PTPRD: variants seen among roughly 807,000 people sequenced by gnomAD.
PTPRD encodes receptor-type tyrosine-protein phosphatase delta.
In PTPRD, 34 loss-of-function variants were observed where a neutral mutation model predicts 214.5. That is an observed-to-expected ratio of 0.16 (90% CI 0.12 to 0.21). The LOEUF is 0.21. Among genes scored for constraint, PTPRD ranks in the 10% least tolerant of loss-of-function variants. PTPRD has a pLI of 1.00. For synonymous variants in PTPRD, 1,128 were observed against 845.7 expected, an observed-to-expected ratio of 1.33 and a Z score of -5.79; for missense variants, 2,545 against 2,398.7, an observed-to-expected ratio of 1.06 and a Z score of -1.27.
chr9:9,008,612 A>G (rs944313965), intron 11 of PTPRD, among the ~76,000 whole-genome samples: 3 of 152,146 alleles, frequency 2.0e-5, no homozygotes, highest in South Asian at 2.1e-4. Context: ...CTTTGTACCT[A>G]TTATGCTGCT....
chr9:9,392,632 G>C (rs937346972), intron 9 of PTPRD, among the ~76,000 whole-genome samples: 3 of 152,094 alleles, frequency 2.0e-5, no homozygotes, highest in Non-Finnish European at 1.5e-5. Context: ...AGGCTATAAA[G>C]AGATCCTTTC....
At chr9:9,957,241 C>T (rs564981571) in intron 4 of PTPRD, among the ~76,000 whole-genome samples, 49 of 152,238 alleles carry the variant, frequency 3.2e-4, no homozygotes, top group African/African-American at 1.2e-3. Flanking sequence ...AAGAATACTC[C>T]TCTTTTTAAG....
At chr9:8,570,657 C>A (rs1290133521) in intron 14 of PTPRD, among the ~76,000 whole-genome samples, 7 of 152,064 alleles carry the variant, frequency 4.6e-5, no homozygotes, top group Non-Finnish European at 1.0e-4. Context: ...TCATCATTTA[C>A]AGTCTCAGAG....
At chr9:8,777,704 G>C (rs148592467) in intron 11 of PTPRD, among the ~76,000 whole-genome samples, 22 of 152,214 alleles carry the variant, frequency 1.4e-4, no homozygotes, top group Non-Finnish European at 2.2e-4. Context: ...TGATAAAAGA[G>C]AGCTGGTCAT....
At chr9:10,053,432 G>A (rs1473340535) in intron 3 of PTPRD, among the ~76,000 whole-genome samples, 1 of 152,122 alleles carries the variant, frequency 6.6e-6, no homozygotes, top group Admixed American at 6.6e-5. Context: ...TTGGTCAGGA[G>A]TTTAAATATT....
At chr9:8,849,517 C>T (rs766281479) in intron 11 of PTPRD, among the ~76,000 whole-genome samples, 2 of 152,122 alleles carry the variant, frequency 1.3e-5, no homozygotes, top group African/African-American at 4.8e-5. Context: ...TGAGCCACCG[C>T]GCCTGGTCCA....
intron 11 of PTPRD, among the ~76,000 whole-genome samples, chr9:8,940,180 A>G (rs2099022582): frequency 6.6e-6 from 1 of 151,390 alleles, no homozygotes; most frequent in South Asian, 2.1e-4. Context: ...TCTTCAGGCT[A>G]CATGGTTCAA....
chr9:8,745,957 T>A (rs1169301766), intron 11 of PTPRD, among the ~76,000 whole-genome samples: 2 of 152,090 alleles, frequency 1.3e-5, no homozygotes, highest in East Asian at 3.9e-4. Flanking sequence ...GCCACCACAT[T>A]TGGTTTTTCA....
At position 8,317,834 on chromosome 9, in the gene PTPRD, G is replaced by A. The variant is rs1408873968; in HGVS notation, c.*40C>T. On this transcript the variant is annotated 3_prime_UTR_variant, in exon 46 of 46. Transcript: ENST00000381196. ...GCTCAGAAGAGACTCCATGGATATTGAAGGGCCTGTAGTAAAAATCCAGAA... is the reference window on the plus strand; with the variant it reads ...GCTCAGAAGAGACTCCATGGATATTAAAGGGCCTGTAGTAAAAATCCAGAA... 1 of 1,584,058 alleles carries A rather than the reference G, an allele frequency of 6.3e-7. No homozygotes were observed. Among genetic ancestry groups the A allele is most frequent in the Non-Finnish European group, 8.7e-7 (1 of 1,153,636 alleles).
At position 8,916,444 on chromosome 9, in the gene PTPRD, G is replaced by C. The variant is rs563660279; in HGVS notation, c.-104+102253C>G. On this transcript the variant is annotated intron_variant, in intron 11 of 45. Transcript: ENST00000381196. ...TATAATAAGCCTAAGGAGAGGATGG[G>C]GTAAGTGGGGGCACTGAAATAAGGG... Among the ~76,000 whole-genome samples, 8 of 152,212 alleles carry C rather than the reference G, an allele frequency of 5.3e-5. No individual in the cohort carries two copies. The East Asian group carries it at 1.2e-3, about 22-fold the overall frequency.
chr9:8,555,039 A>C (rs1176170204), intron 14 of PTPRD, among the ~76,000 whole-genome samples: 1 of 152,160 alleles, frequency 6.6e-6, no homozygotes, highest in East Asian at 1.9e-4. Context: ...AATTTGCTAA[A>C]TGTTACTATA....
intron 4 of PTPRD, among the ~76,000 whole-genome samples, chr9:10,003,369 C>G (rs960780967): frequency 1.3e-5 from 2 of 151,598 alleles, no homozygotes; most frequent in South Asian, 4.1e-4. Context: ...AGCAATAAAA[C>G]CATAGACTCA....
chr9:10,252,662 T>A (rs1476005389), intron 3 of PTPRD, among the ~76,000 whole-genome samples: 1 of 152,236 alleles, frequency 6.6e-6, no homozygotes, highest in African/African-American at 2.4e-5. Context: ...TACATAGCGA[T>A]AGATAAATTA....
chr9:10,584,749 G>A (rs1022045360), intron 2 of PTPRD, among the ~76,000 whole-genome samples: 6 of 152,082 alleles, frequency 3.9e-5, no homozygotes, highest in Admixed American at 1.3e-4. Context: ...TCAAAGAAGC[G>A]ATGTACAGTT....
rs192732116 is a variant in PTPRD at position 8,703,703 on chromosome 9, T to C, written c.64+30077A>G. Among the ~76,000 whole-genome samples the C allele has an allele frequency of 3.6e-3, 547 of 152,312 alleles. 11 individuals carry two copies. The highest frequency in any genetic ancestry group is 1.6e-3 in the Non-Finnish European group (112 of 68,038). On this transcript the variant is annotated intron_variant, in intron 12 of 45. Transcript: ENST00000381196. The stretch of plus-strand genomic sequence containing the variant: ...CCTACGGCATTGTTATTCTCTTTTT[T>C]GTTGATTTTGTCTAATCCCGTGGCT...
intron 5 of PTPRD, among the ~76,000 whole-genome samples, chr9:9,853,101 G>A (rs2060854586): frequency 6.6e-6 from 1 of 152,166 alleles, no homozygotes; most frequent in African/African-American, 2.4e-5. Context: ...TGTACCCTAT[G>A]ACATAGAAGA....
At chr9:10,065,543 A>T (rs539134834) in intron 3 of PTPRD, among the ~76,000 whole-genome samples, 1 of 151,834 alleles carries the variant, frequency 6.6e-6, no homozygotes, top group Non-Finnish European at 1.5e-5. Flanking sequence ...TTTCAGTACA[A>T]ATAAAATCAA....
intron 11 of PTPRD, among the ~76,000 whole-genome samples, chr9:8,827,774 GATT>G (rs1423656518): frequency 6.6e-6 from 1 of 152,020 alleles, no homozygotes; most frequent in Non-Finnish European, 1.5e-5. Flanking sequence ...GTTTACTAGT[GATT>G]ATTAAAATTT....
intron 10 of PTPRD, among the ~76,000 whole-genome samples, chr9:9,028,114 C>T (rs554383779): frequency 6.6e-6 from 1 of 152,064 alleles, no homozygotes; most frequent in African/African-American, 2.4e-5. Flanking sequence ...AGAGTAACTG[C>T]ACAAAACCTC....
Sources: gnomAD v4.1 joint callset for allele counts (sites outside exome capture counted in the v4.1 genomes callset) on GRCh38, gnomAD v4.1.1 for gene constraint, MANE v1.5 for transcripts, NCBI Gene and HGNC (gene_info 2026-07-23, HGNC 2026-07-21) for gene names.